The following KIAA1217 variants were observed in gnomAD, a reference collection of about 807,000 sequenced individuals.
KIAA1217 encodes the protein sickle tail protein homolog.
A neutral mutation model predicts 163.9 loss-of-function variants in KIAA1217; 88 were observed. That is an observed-to-expected ratio of 0.54 (90% CI 0.45 to 0.64). The LOEUF (loss-of-function observed/expected upper bound fraction) is 0.64. KIAA1217 is among the 30% of genes least tolerant of loss of function. KIAA1217 has a pLI of 0.00. For synonymous variants in KIAA1217, 903 were observed against 923.1 expected, an observed-to-expected ratio of 0.98 and a Z score of 0.39; for missense variants, 2,372 against 2,475.0, an observed-to-expected ratio of 0.96 and a Z score of 0.88.
chr10:24,023,196 T>C (rs1847807237), intron 2 of KIAA1217, among the ~76,000 whole-genome samples: 1 of 151,750 alleles, frequency 6.6e-6, no homozygotes, highest in Admixed American at 6.6e-5. Context: ...TTAGTAAAAT[T>C]CTTTCACGTA....
At chr10:24,511,527 A>G (rs1592542470) in intron 9 of KIAA1217, among the ~76,000 whole-genome samples, 1 of 152,074 alleles carries the variant, frequency 6.6e-6, no homozygotes, top group Non-Finnish European at 1.5e-5. Context: ...GGCACCTGTA[A>G]TCCCAGCTAC....
intron 1 of KIAA1217, among the ~76,000 whole-genome samples, chr10:23,749,730 A>G (rs147538350): frequency 5.3e-4 from 80 of 152,198 alleles, no homozygotes; most frequent in Non-Finnish European, 9.1e-4. Context: ...TTTGAATTCT[A>G]CACTTTCTAC....
intron 2 of KIAA1217, among the ~76,000 whole-genome samples, chr10:24,271,179 A>G (rs2076738143): frequency 6.6e-6 from 1 of 152,174 alleles, no homozygotes; most frequent in Admixed American, 6.5e-5. Flanking sequence ...TCTAAGTGCC[A>G]TTCAATTTGG....
At chr10:24,535,433 T>C (rs938357852) in intron 16 of KIAA1217, among the ~76,000 whole-genome samples, 1 of 152,160 alleles carries the variant, frequency 6.6e-6, no homozygotes. Context: ...ATGACAACAT[T>C]TGACATAAAG....
chr10:24,289,216 G>A (rs1359116354), intron 2 of KIAA1217, among the ~76,000 whole-genome samples: 3 of 152,206 alleles, frequency 2.0e-5, no homozygotes, highest in African/African-American at 4.8e-5. Flanking sequence ...TTTGGGAAGA[G>A]CTGGTTCAGT....
At chr10:24,453,584 G>A (rs2061547291) in intron 5 of KIAA1217, among the ~76,000 whole-genome samples, 1 of 152,334 alleles carries the variant, frequency 6.6e-6, no homozygotes, top group Non-Finnish European at 1.5e-5. Context: ...CAGCAAGATT[G>A]TACAGTGTTA....
At chr10:23,934,576 T>TAC (rs1348248693) in intron 1 of KIAA1217, among the ~76,000 whole-genome samples, 4 of 61,680 alleles carry the variant, frequency 6.5e-5, no homozygotes, top group Non-Finnish European at 1.1e-4. Context: ...TATATATATA[T>TAC]ATATATATAT....
At chr10:24,528,322 G>GTTTTTTTTTTTTTT (rs374557035) in intron 14 of KIAA1217, among the ~76,000 whole-genome samples, 5 of 134,484 alleles carry the variant, frequency 3.7e-5, no homozygotes, top group Admixed American at 7.6e-5. Context: ...TTTTTTTTTT[G>GTTTTTTTTTTTTTT]TTTTTTTTTT....
chr10:24,500,081 C>A (rs977141715), intron 8 of KIAA1217, among the ~76,000 whole-genome samples: 2 of 152,198 alleles, frequency 1.3e-5, no homozygotes, highest in African/African-American at 2.4e-5. Flanking sequence ...AGGGTACCAC[C>A]ACACTATAGC....
At chr10:23,725,157 T>C (rs1025232369) in intron 1 of KIAA1217, among the ~76,000 whole-genome samples, 2 of 152,238 alleles carry the variant, frequency 1.3e-5, no homozygotes, top group Non-Finnish European at 2.9e-5. Flanking sequence ...CTAAACCACA[T>C]ATGGACTCTT....
At chr10:23,793,866 G>A (rs886303744) in intron 1 of KIAA1217, among the ~76,000 whole-genome samples, 5 of 152,120 alleles carry the variant, frequency 3.3e-5, no homozygotes, top group Admixed American at 6.5e-5. Context: ...TAAAAGCAAA[G>A]GAGATAATTT....
intron 3 of KIAA1217, among the ~76,000 whole-genome samples, chr10:24,429,082 T>C (rs1476917636): frequency 6.6e-6 from 1 of 152,192 alleles, no homozygotes; most frequent in Non-Finnish European, 1.5e-5. Flanking sequence ...ACCAACTTTA[T>C]AGAGACCTGA....
chr10:24,066,086 C>A (rs2060932687), intron 2 of KIAA1217, among the ~76,000 whole-genome samples: 1 of 152,142 alleles, frequency 6.6e-6, no homozygotes, highest in African/African-American at 2.4e-5. Context: ...TGAGTCTTGA[C>A]TCTTTATCCA....
chr10:23,864,226 A>G (rs1263817644), intron 1 of KIAA1217, among the ~76,000 whole-genome samples: 1 of 151,894 alleles, frequency 6.6e-6, no homozygotes, highest in African/African-American at 2.4e-5. Context: ...CTTTTACACT[A>G]TGCTCTTATT....
At chr10:23,788,509 G>A (rs1032756608) in intron 1 of KIAA1217, among the ~76,000 whole-genome samples, 6 of 152,154 alleles carry the variant, frequency 3.9e-5, no homozygotes, top group Admixed American at 2.6e-4. Context: ...GCTTGGTAGG[G>A]ATCCCCTAGT....
intron 2 of KIAA1217, among the ~76,000 whole-genome samples, chr10:24,245,836 C>G (rs1257795479): frequency 6.6e-6 from 1 of 151,260 alleles, no homozygotes; most frequent in Non-Finnish European, 1.5e-5. Flanking sequence ...CAGGGTCTCA[C>G]TTTGTTACTT....
chr10:24,495,948 T>C (rs2066731595), intron 8 of KIAA1217, among the ~76,000 whole-genome samples: 1 of 152,240 alleles, frequency 6.6e-6, no homozygotes, highest in African/African-American at 2.4e-5. Context: ...TATCCAGGTC[T>C]TTGCAATGAA....
At chr10:24,479,675 C>T (rs2064417318) in intron 6 of KIAA1217, among the ~76,000 whole-genome samples, 1 of 152,222 alleles carries the variant, frequency 6.6e-6, no homozygotes, top group South Asian at 2.1e-4. Context: ...TTATTTAGCT[C>T]ATGGTTCTAG....
chr10:24,364,924 C>T (rs925999483), intron 2 of KIAA1217, among the ~76,000 whole-genome samples: 8 of 152,014 alleles, frequency 5.3e-5, no homozygotes, highest in African/African-American at 1.5e-4. Context: ...TCAGCCCCCT[C>T]GGTAGCTAGG....
Sources: gnomAD v4.1 joint callset for allele counts (sites outside exome capture counted in the v4.1 genomes callset) on GRCh38, gnomAD v4.1.1 for gene constraint, MANE v1.5 for transcripts, NCBI Gene and HGNC (gene_info 2026-07-23, HGNC 2026-07-21) for gene names.